SYTL5: variants seen among roughly 807,000 people sequenced by gnomAD.
The protein encoded by SYTL5 is synaptotagmin-like protein 5.
A neutral mutation model predicts 55.9 loss-of-function variants in SYTL5; 34 were observed. That is an observed-to-expected ratio of 0.61 (90% CI 0.46 to 0.81). The LOEUF (loss-of-function observed/expected upper bound fraction) is 0.81, where lower values mean the gene tolerates loss of function less well. Among genes scored for constraint, SYTL5 ranks in the 30% least tolerant of loss-of-function variants. The pLI, the probability that SYTL5 is intolerant of heterozygous loss-of-function variation, is 0.00. For synonymous variants in SYTL5, 221 were observed against 188.7 expected, an observed-to-expected ratio of 1.17 and a Z score of -1.40; for missense variants, 637 against 546.7, an observed-to-expected ratio of 1.17 and a Z score of -1.65.
intron 1 of SYTL5, among the ~76,000 whole-genome samples, chrX:38,012,607 G>A (rs1231623774): frequency 8.9e-6 from 1 of 112,001 alleles, no homozygotes; most frequent in African/African-American, 3.2e-5. Flanking sequence ...CACAGAACAA[G>A]AGTGATCATA....
At chrX:38,085,926 A>C (rs1936651659) in intron 6 of SYTL5, among the ~76,000 whole-genome samples, 1 of 111,267 alleles carries the variant, frequency 9.0e-6, no homozygotes, top group Admixed American at 9.6e-5. Flanking sequence ...TGCTGTGCTG[A>C]ACCCCTATTA....
chrX:38,099,785 G>T (rs1193593579), intron 9 of SYTL5, among the ~76,000 whole-genome samples: 2 of 111,433 alleles, frequency 1.8e-5, no homozygotes, highest in Admixed American at 9.5e-5. Flanking sequence ...AGTATGAAAA[G>T]ATGTTGATTT....
chrX:38,038,371 T>C (rs1186901355), intron 2 of SYTL5, among the ~76,000 whole-genome samples: 1 of 112,034 alleles, frequency 8.9e-6, no homozygotes, highest in Non-Finnish European at 1.9e-5. Flanking sequence ...TCACCACTTA[T>C]GGCTATTCCT....
intron 6 of SYTL5, among the ~76,000 whole-genome samples, chrX:38,089,184 G>T (rs187626419): frequency 1.8e-5 from 2 of 112,414 alleles, no homozygotes; most frequent in Non-Finnish European, 3.8e-5. Context: ...CTGAGAGAAT[G>T]CTGGTAAGCA....
chrX:38,026,409 A>G (rs1934777629), intron 1 of SYTL5, among the ~76,000 whole-genome samples: 1 of 111,652 alleles, frequency 9.0e-6, no homozygotes, highest in Non-Finnish European at 1.9e-5. Flanking sequence ...GCCAACTGTT[A>G]CTGGAAAGGG....
chrX:37,963,446 G>T, the SYTL5 span, among the ~76,000 whole-genome samples: 1 of 110,242 alleles, frequency 9.1e-6, no homozygotes, highest in African/African-American at 3.3e-5. Context: ...GTGCCAACAC[G>T]CCCGGCTTAT....
rs1935029369 is a variant in SYTL5 at position 38,033,845 on chromosome X, C to T, written c.-45C>T. 1.4e-6 allele frequency: 1 copy of T among 740,044 alleles called. No individual in the cohort carries two copies. The highest frequency in any genetic ancestry group is 2.1e-5 in the African/African-American group (1 of 47,476). 61.0% of individuals were successfully genotyped at this position (740,044 alleles called of 1,213,427 possible). On this transcript the variant is annotated 5_prime_UTR_variant, in exon 2 of 17. Transcript: ENST00000297875. Reference sequence around the variant, plus strand: ...TTAGTTGTAGATATCAATTCACCTTCTTGAAGATTCAACCACTGCTACTCA... The same window carrying T: ...TTAGTTGTAGATATCAATTCACCTTTTTGAAGATTCAACCACTGCTACTCA...
At chrX:37,951,504 A>G in the SYTL5 span, among the ~76,000 whole-genome samples, 1 of 111,281 alleles carries the variant, frequency 9.0e-6, no homozygotes, top group Non-Finnish European at 1.9e-5. Flanking sequence ...CATGAGTAAG[A>G]CAGTCTCACC....
At chrX:38,108,555 A>C (rs1389526647) in intron 11 of SYTL5, 45 bp from the exon 12 acceptor site, 1 of 983,719 alleles carries the variant, frequency 1.0e-6, no homozygotes, top group Non-Finnish European at 1.4e-6. Flanking sequence ...ATTTCTTGCA[A>C]ATAGATGTTT....
At chrX:37,966,637 C>T in the SYTL5 span, among the ~76,000 whole-genome samples, 2 of 110,084 alleles carry the variant, frequency 1.8e-5, no homozygotes, top group African/African-American at 3.3e-5. Flanking sequence ...AGGGTTTCAC[C>T]ATATTGGCCA....
intron 1 of SYTL5, among the ~76,000 whole-genome samples, chrX:38,023,672 G>A (rs763092008): frequency 3.6e-5 from 4 of 110,855 alleles, no homozygotes; most frequent in Admixed American, 1.9e-4. Flanking sequence ...ATTGAACATC[G>A]GTATTGCTCT....
the SYTL5 span, among the ~76,000 whole-genome samples, chrX:37,904,007 T>G: frequency 9.0e-6 from 1 of 111,703 alleles, no homozygotes; most frequent in Admixed American, 9.6e-5. Flanking sequence ...CACATTACCT[T>G]ATCCATTTCT....
the SYTL5 span, among the ~76,000 whole-genome samples, chrX:37,962,544 G>C: frequency 8.9e-5 from 10 of 112,042 alleles, no homozygotes; most frequent in Non-Finnish European, 1.3e-4. Flanking sequence ...ACGTGTGCAT[G>C]TGTCTTTATA....
intron 1 of SYTL5, among the ~76,000 whole-genome samples, chrX:38,010,223 A>G (rs919201712): frequency 8.9e-6 from 1 of 112,362 alleles, no homozygotes; most frequent in Admixed American, 9.4e-5. Flanking sequence ...AATAGTGCCT[A>G]GCTCATAGTA....
the SYTL5 span, among the ~76,000 whole-genome samples, chrX:37,925,608 AATTT>A: frequency 1.8e-5 from 2 of 110,864 alleles, no homozygotes; most frequent in African/African-American, 6.6e-5. Flanking sequence ...TTTTGGTTTT[AATTT>A]TTTTATTTCC....
At chrX:38,063,633 T>C (rs1316996962) in intron 3 of SYTL5, among the ~76,000 whole-genome samples, 1 of 111,811 alleles carries the variant, frequency 8.9e-6, no homozygotes, top group Non-Finnish European at 1.9e-5. Context: ...TGTTTTCTAG[T>C]TTTGTATTTT....
At chrX:37,939,496 A>G in the SYTL5 span, 1 of 112,013 alleles carries the variant, frequency 8.9e-6, no homozygotes, top group Non-Finnish European at 1.9e-5. Context: ...GCTTAAGATG[A>G]GACCTGGAGA....
At chrX:37,964,837 T>TA in the SYTL5 span, among the ~76,000 whole-genome samples, 2 of 110,942 alleles carry the variant, frequency 1.8e-5, no homozygotes, top group African/African-American at 6.5e-5. Flanking sequence ...TGTATGTTTC[T>TA]AAAAAAATTA....
the SYTL5 span, among the ~76,000 whole-genome samples, chrX:37,919,572 C>G: frequency 8.9e-6 from 1 of 111,870 alleles, no homozygotes; most frequent in South Asian, 3.7e-4. Flanking sequence ...TAACCCTACT[C>G]CCACCACAAG....
Sources: allele counts gnomAD v4.1 joint callset (sites outside exome capture counted in the v4.1 genomes callset), GRCh38; gene constraint gnomAD v4.1.1; transcripts MANE v1.5; gene names NCBI Gene and HGNC (gene_info 2026-07-23, HGNC 2026-07-21).